SCTR: variants seen among roughly 807,000 people sequenced by gnomAD.
The protein encoded by SCTR is pancreatic secretin receptor.
Under a neutral mutation model 60.8 loss-of-function variants are expected in SCTR, and 56 were observed. The ratio of observed to expected loss-of-function variants is 0.92; its 90% confidence interval spans 0.74 to 1.15. The LOEUF is 1.15. SCTR is among the 50% of genes most tolerant of loss of function. The pLI is 0.00. For synonymous variants in SCTR, 202 were observed against 217.0 expected, an observed-to-expected ratio of 0.93 and a Z score of 0.61; for missense variants, 562 against 550.4, an observed-to-expected ratio of 1.02 and a Z score of -0.21.
intron 2 of SCTR, among the ~76,000 whole-genome samples, chr2:119,483,295 G>A (rs192430923): frequency 1.6e-4 from 24 of 152,334 alleles, no homozygotes; most frequent in African/African-American, 4.8e-4. Context: ...ACTGCCCCAC[G>A]GCGGAGATGA....
chr2:119,514,380 C>T (rs1226500392), intron 1 of SCTR, among the ~76,000 whole-genome samples: 2 of 152,186 alleles, frequency 1.3e-5, no homozygotes, highest in Non-Finnish European at 2.9e-5. Context: ...AGCATGCAAA[C>T]TTGGAGGCTA....
At chr2:119,507,455 T>A (rs543566001) in intron 1 of SCTR, among the ~76,000 whole-genome samples, 1 of 152,124 alleles carries the variant, frequency 6.6e-6, no homozygotes, top group Non-Finnish European at 1.5e-5. Flanking sequence ...TAAGTGAACA[T>A]GTCAACAGAG....
At chr2:119,503,271 C>T (rs1024304538) in intron 1 of SCTR, among the ~76,000 whole-genome samples, 2 of 151,798 alleles carry the variant, frequency 1.3e-5, no homozygotes, top group African/African-American at 4.8e-5. Context: ...AGAAGTCAAT[C>T]TAAAAAGGTT....
chr2:119,477,599 C>T (rs1374848496), intron 3 of SCTR, among the ~76,000 whole-genome samples: 1 of 152,038 alleles, frequency 6.6e-6, no homozygotes, highest in East Asian at 1.9e-4. Flanking sequence ...TACAGGTGTG[C>T]ACCACCACGC....
chr2:119,512,395 CCTTCTT>C (rs1209204120), intron 1 of SCTR, among the ~76,000 whole-genome samples: 2 of 90,892 alleles, frequency 2.2e-5, no homozygotes, highest in African/African-American at 4.8e-5. Context: ...TTCTCCTTCT[CCTTCTT>C]CTTCTTTCTT....
intron 1 of SCTR, 64 bp from the exon 2 acceptor site, chr2:119,494,612 A>C: frequency 1.3e-6 from 2 of 1,569,832 alleles, no homozygotes; most frequent in South Asian, 2.3e-5. Flanking sequence ...CATGGGGGAG[A>C]ATGGGGCAAG....
At position 119,465,020 on chromosome 2, in the gene SCTR, G is replaced by A. The variant is rs552717566; in HGVS notation, c.504-765C>T. Among the ~76,000 whole-genome samples the A allele has an allele frequency of 5.9e-5, 9 of 152,278 alleles. No homozygotes were observed. The East Asian group carries it at 1.3e-3, about 23-fold the overall frequency. The stretch of plus-strand genomic sequence containing the variant: ...TACTTGTTCTGCTTCTTCTGGTACC[G>A]GAAACAGGCTTTCTTCTGGGAAACC... On this transcript the variant is annotated intron_variant, in intron 5 of 12. Transcript: ENST00000019103.
chr2:119,510,973 A>G lies in SCTR; in HGVS notation c.72+13182T>C, dbSNP rs113814389. On this transcript the variant is annotated intron_variant, in intron 1 of 12. Coordinates refer to ENST00000019103, the MANE Select transcript of SCTR (RefSeq NM_002980.3). ...AGCACTTTGGGAGGCTGAGGCGGGC[A>G]GATCACAAGGTCAAGAGATGGAGAC... Among the ~76,000 whole-genome samples, 524 of 152,126 alleles carry G rather than the reference A, an allele frequency of 3.4e-3. 4 individuals are homozygous for G. The highest frequency in any genetic ancestry group is 0.012 in the African/African-American group (507 of 41,486).
rs1485569426 is a variant in SCTR, at chr2:119,482,577, C to T, written c.194-3659G>A. ...AGGAACTCCTTGGATGTTCCAGAAG[C>T]TTCACCTGCAAGAGGAGGAGCCGGA... On this transcript the variant is annotated intron_variant, in intron 2 of 12. Coordinates refer to ENST00000019103, the MANE Select transcript of SCTR (RefSeq NM_002980.3). 5.3e-5 allele frequency among the ~76,000 whole-genome samples: 8 copies of T among 152,216 alleles called. 1 individual carries two copies. The highest frequency in any genetic ancestry group is 3.9e-4 in the Admixed American group (6 of 15,288).
intron 2 of SCTR, among the ~76,000 whole-genome samples, chr2:119,491,911 G>C (rs1678147921): frequency 6.6e-6 from 1 of 152,194 alleles, no homozygotes; most frequent in Admixed American, 6.5e-5. Flanking sequence ...TTTCTTACTA[G>C]GAGGACCTGG....
intron 1 of SCTR, among the ~76,000 whole-genome samples, chr2:119,497,693 G>T (rs1678402542): frequency 6.6e-6 from 1 of 152,050 alleles, no homozygotes; most frequent in South Asian, 2.1e-4. Flanking sequence ...GGAAATTTTA[G>T]AAGTGAAAAA....
In SCTR at chr2:119,487,242, A is replaced by G. The variant is rs190997074; in HGVS notation, c.193+7186T>C. On this transcript the variant is annotated intron_variant, in intron 2 of 12. Coordinates refer to ENST00000019103, the MANE Select transcript of SCTR (RefSeq NM_002980.3). ...GGAATGAGACAGAGCTGGTGGCTGC[A>G]TAGAGCACTATGAAAGTGCTAATTG... is the stretch of plus-strand genomic sequence containing the variant. 2.6e-5 allele frequency: 4 copies of G among 152,380 alleles called. No individual in the cohort carries two copies. In the East Asian group the frequency reaches 5.8e-4, roughly 22 times the overall value. The allele number at this position is 152,380 out of a possible 1,614,324, so 9.4% of individuals were successfully genotyped here. A position where few individuals can be genotyped will look rare whatever the true frequency, so the allele number is the denominator to read the frequency against.
intron 2 of SCTR, among the ~76,000 whole-genome samples, chr2:119,490,644 C>T (rs1204861139): frequency 6.6e-6 from 1 of 152,224 alleles, no homozygotes; most frequent in Non-Finnish European, 1.5e-5. Context: ...TCTCTCACCT[C>T]ATTCCCAGTC....
intron 1 of SCTR, among the ~76,000 whole-genome samples, chr2:119,520,690 G>T (rs766150149): frequency 4.6e-5 from 7 of 152,134 alleles, no homozygotes; most frequent in Non-Finnish European, 1.0e-4. Flanking sequence ...GAGATAGGAG[G>T]GAAAAAGATG....
chr2:119,488,523 A>G (rs1311036838), intron 2 of SCTR, among the ~76,000 whole-genome samples: 4 of 152,240 alleles, frequency 2.6e-5, no homozygotes, highest in Non-Finnish European at 5.9e-5. Context: ...CTTAGGGAAG[A>G]AAGATGACCG....
intron 4 of SCTR, among the ~76,000 whole-genome samples, chr2:119,470,052 C>G (rs912817928): frequency 6.6e-6 from 1 of 152,186 alleles, no homozygotes; most frequent in Non-Finnish European, 1.5e-5. Flanking sequence ...GTAAACGTAG[C>G]CTTACTGTGG....
At chr2:119,477,218 T>G (rs924849191) in intron 3 of SCTR, among the ~76,000 whole-genome samples, 8 of 152,166 alleles carry the variant, frequency 5.3e-5, no homozygotes, top group Non-Finnish European at 4.4e-5. Context: ...GATGTTGCCA[T>G]GTGACTGAGT....
At chr2:119,447,239 A>G (rs1281940392) in intron 10 of SCTR, among the ~76,000 whole-genome samples, 1 of 151,996 alleles carries the variant, frequency 6.6e-6, no homozygotes, top group Non-Finnish European at 1.5e-5. Flanking sequence ...CGGCTTTCTC[A>G]TTTGCTAGAT....
At chr2:119,488,294 G>C (rs115185481) in intron 2 of SCTR, among the ~76,000 whole-genome samples, 4,132 of 152,284 alleles carry the variant, frequency 0.027, 178 homozygotes, top group African/African-American at 0.09. Flanking sequence ...CCTTGGTTCA[G>C]CCGCCAGGGC....
Sources: allele counts gnomAD v4.1 joint callset (sites outside exome capture counted in the v4.1 genomes callset), GRCh38; gene constraint gnomAD v4.1.1; transcripts MANE v1.5; gene names NCBI Gene and HGNC (gene_info 2026-07-23, HGNC 2026-07-21).